CEP112: variants seen among roughly 807,000 people sequenced by gnomAD.
The protein encoded by CEP112 is centrosomal protein of 112 kDa.
Under a neutral mutation model 153.0 loss-of-function variants are expected in CEP112, and 127 were observed. The ratio of observed to expected loss-of-function variants is 0.83; its 90% CI spans 0.72 to 0.96. The LOEUF (loss-of-function observed/expected upper bound fraction) is 0.96, where lower values mean the gene tolerates loss of function less well. Among genes scored for constraint, CEP112 ranks in the 40% least tolerant of loss-of-function variants. The pLI, the probability that CEP112 is intolerant of heterozygous loss-of-function variation, is 0.00. For missense variants in CEP112, 1,089 were observed against 1,101.2 expected, an observed-to-expected ratio of 0.99 and a Z score of 0.16; for synonymous variants, 358 against 374.4, an observed-to-expected ratio of 0.96 and a Z score of 0.51.
intron 20 of CEP112, among the ~76,000 whole-genome samples, chr17:65,868,836 A>C (rs937134917): frequency 6.6e-6 from 1 of 152,230 alleles, no homozygotes; most frequent in African/African-American, 2.4e-5. Flanking sequence ...CATTTTTTGG[A>C]AATGATTGAT....
At chr17:65,991,354 G>A (rs2063587845) in intron 17 of CEP112, among the ~76,000 whole-genome samples, 1 of 151,998 alleles carries the variant, frequency 6.6e-6, no homozygotes, top group Non-Finnish European at 1.5e-5. Context: ...ACTCATATAT[G>A]AAAATCTGAC....
intron 20 of CEP112, among the ~76,000 whole-genome samples, chr17:65,894,394 C>T (rs149613363): frequency 6.6e-6 from 1 of 152,106 alleles, no homozygotes; most frequent in African/African-American, 2.4e-5. Context: ...ACCCTTGTAT[C>T]GGTATGAAAA....
At chr17:65,744,212 G>A (rs938908701) in intron 22 of CEP112, among the ~76,000 whole-genome samples, 4 of 151,616 alleles carry the variant, frequency 2.6e-5, no homozygotes, top group African/African-American at 7.3e-5. Flanking sequence ...TTAACCTGCC[G>A]ACTTTATGGG....
chr17:65,686,864 G>GT (rs34909403), intron 24 of CEP112, among the ~76,000 whole-genome samples: 43,363 of 150,578 alleles, frequency 0.29, 8,756 homozygotes, highest in East Asian at 0.61. Flanking sequence ...TTGCTATCCA[G>GT]TTTTTTTTTT....
At chr17:65,881,462 G>A (rs2059071270) in intron 20 of CEP112, among the ~76,000 whole-genome samples, 1 of 151,822 alleles carries the variant, frequency 6.6e-6, no homozygotes, top group Non-Finnish European at 1.5e-5. Flanking sequence ...TTTTCCCCTT[G>A]GCCATCAGAC....
chr17:65,842,807 T>C (rs2057570641), intron 21 of CEP112, among the ~76,000 whole-genome samples: 1 of 152,134 alleles, frequency 6.6e-6, no homozygotes, highest in South Asian at 2.1e-4. Context: ...ATTTAAAATA[T>C]TTGATTTGGT....
intron 17 of CEP112, among the ~76,000 whole-genome samples, chr17:65,965,292 A>G (rs567480187): frequency 1.3e-5 from 2 of 152,316 alleles, no homozygotes; most frequent in Admixed American, 6.5e-5. Flanking sequence ...TTTTCAATTG[A>G]TCATTTCTAC....
intron 17 of CEP112, among the ~76,000 whole-genome samples, chr17:66,004,688 G>C (rs1202556563): frequency 6.6e-6 from 1 of 152,194 alleles, no homozygotes; most frequent in Admixed American, 6.5e-5. Context: ...TTCAGGAACT[G>C]AGCCAATATA....
At chr17:66,074,352 A>G (rs1456502252) in intron 8 of CEP112, among the ~76,000 whole-genome samples, 1 of 152,172 alleles carries the variant, frequency 6.6e-6, no homozygotes, top group East Asian at 1.9e-4. Context: ...ACTGTGAAAC[A>G]AAATCCAAGA....
chr17:65,992,911 A>G (rs2063645864), intron 17 of CEP112, among the ~76,000 whole-genome samples: 1 of 146,962 alleles, frequency 6.8e-6, no homozygotes, highest in South Asian at 2.1e-4. Context: ...AATTCTTCCC[A>G]CATATGTGTA....
rs538048167 is a variant in CEP112 at position 65,927,499 on chromosome 17, A to G, written c.1980+83T>C. The G allele has an allele frequency of 1.4e-5, 10 of 727,534 alleles. No homozygotes were observed. The Admixed American group carries it at 2.4e-4, about 18-fold the overall frequency. 45.1% of individuals were successfully genotyped at this position (727,534 alleles called of 1,614,324 possible). Reference sequence around the variant, plus strand: ...TCTTAGTAATATTTTCATTATGCAGATATTTTGTGATAGTGATTTTTAAAA... The same window carrying G: ...TCTTAGTAATATTTTCATTATGCAGGTATTTTGTGATAGTGATTTTTAAAA... On this transcript the variant is annotated intron_variant, in intron 19 of 26. Transcript: ENST00000535342.
chr17:65,996,690 A>T (rs564984437), intron 17 of CEP112, among the ~76,000 whole-genome samples: 3 of 152,132 alleles, frequency 2.0e-5, no homozygotes, highest in Non-Finnish European at 2.9e-5. Flanking sequence ...TTATATTTTC[A>T]TTCCTGCCAG....
rs185862025 is a variant in CEP112, at chr17:65,727,456, T to C, written c.2607+15612A>G. Among the ~76,000 whole-genome samples, 909 of 152,274 alleles carry C rather than the reference T, an allele frequency of 6.0e-3. 9 individuals carry two copies. Among genetic ancestry groups the C allele is most frequent in the African/African-American group, 0.021 (865 of 41,548 alleles). On this transcript the variant is annotated intron_variant, in intron 23 of 26. Transcript: ENST00000535342. ...AGCTGAGAGCCTTTTGGCAGGGATA[T>C]CGGCTGAGAGGAGGCTGTTTTAAAT...
chr17:65,771,661 C>T (rs1405246076), intron 21 of CEP112, among the ~76,000 whole-genome samples: 2 of 152,040 alleles, frequency 1.3e-5, no homozygotes, highest in Non-Finnish European at 2.9e-5. Context: ...AAATCCATAA[C>T]AGAAATTTAT....
chr17:66,092,255 A>G (rs2068166315), intron 8 of CEP112, among the ~76,000 whole-genome samples: 1 of 151,726 alleles, frequency 6.6e-6, no homozygotes, highest in South Asian at 2.1e-4. Context: ...GGCAAGGCTA[A>G]TCTCAAACTG....
chr17:66,052,752 T>A lies in CEP112; in HGVS notation c.1218+984A>T, dbSNP rs180673069. Among the ~76,000 whole-genome samples the A allele has an allele frequency of 3.1e-3, 468 of 151,758 alleles. 2 individuals carry two copies. The highest frequency in any genetic ancestry group is 0.011 in the African/African-American group (437 of 41,456). On this transcript the variant is annotated intron_variant, in intron 12 of 26. Coordinates refer to ENST00000535342, the MANE Select transcript of CEP112 (RefSeq NM_001199165.4). ...CTCTTTGATTTCCTTCACATTAGCA[T>A]TATTTTCAGAAAAACAATCAAGTCT...
chr17:65,801,527 T>C (rs1471063936), intron 21 of CEP112, among the ~76,000 whole-genome samples: 1 of 152,254 alleles, frequency 6.6e-6, no homozygotes, highest in Non-Finnish European at 1.5e-5. Flanking sequence ...TTTACACTTT[T>C]ATAAGTTTTA....
chr17:65,726,721 T>C (rs907712648), intron 23 of CEP112, among the ~76,000 whole-genome samples: 1 of 152,186 alleles, frequency 6.6e-6, no homozygotes, highest in Non-Finnish European at 1.5e-5. Flanking sequence ...TCAAAAGATA[T>C]AAAATAAAAA....
intron 8 of CEP112, among the ~76,000 whole-genome samples, chr17:66,082,754 C>T (rs1237288088): frequency 6.7e-6 from 1 of 149,816 alleles, no homozygotes; most frequent in Non-Finnish European, 1.5e-5. Context: ...CAGAGCGAGA[C>T]TCTGTCTCAA....
Sources: allele counts gnomAD v4.1 joint callset (sites outside exome capture counted in the v4.1 genomes callset), GRCh38; gene constraint gnomAD v4.1.1; transcripts MANE v1.5; gene names NCBI Gene and HGNC (gene_info 2026-07-23, HGNC 2026-07-21).